EYA2: variants seen among roughly 807,000 people sequenced by gnomAD.
EYA2 encodes EYA transcriptional coactivator and phosphatase 2.
EYA2 carries 31 observed loss-of-function variants against 69.2 expected under a neutral mutation model. That is an observed-to-expected ratio of 0.45 (90% CI 0.34 to 0.60). EYA2 has a LOEUF of 0.60. Ranked by LOEUF, EYA2 falls within the 20% of genes least tolerant of loss-of-function variation. EYA2 has a pLI of 0.02. For synonymous variants in EYA2, 257 were observed against 279.4 expected (o/e 0.92, Z 0.80); for missense variants, 622 against 701.2 (o/e 0.89, Z 1.28).
At chr20:47,092,609 C>T (rs539299292) in intron 8 of EYA2, among the ~76,000 whole-genome samples, 75 of 152,142 alleles carry the variant, frequency 4.9e-4, no homozygotes, top group South Asian at 1.0e-3. Flanking sequence ...TGTAGGGGAA[C>T]GGCGGGGGTA....
chr20:46,952,381 T>C (rs569028039), intron 1 of EYA2, among the ~76,000 whole-genome samples: 38 of 152,170 alleles, frequency 2.5e-4, no homozygotes, highest in Non-Finnish European at 4.9e-4. Context: ...CTTGGCTCTT[T>C]AGATTTTACT....
intron 7 of EYA2, among the ~76,000 whole-genome samples, chr20:47,086,834 G>A (rs910186308): frequency 6.6e-6 from 1 of 151,416 alleles, no homozygotes; most frequent in East Asian, 1.9e-4. Context: ...GCACCCCTGC[G>A]AAATTGGTTT....
chr20:47,163,265 A>C (rs984242011), intron 10 of EYA2, among the ~76,000 whole-genome samples: 3 of 151,996 alleles, frequency 2.0e-5, no homozygotes, highest in Non-Finnish European at 4.4e-5. Flanking sequence ...TCCTGACCTC[A>C]AGCTATCTGC....
At chr20:46,904,126 C>T (rs1333779864) in intron 1 of EYA2, among the ~76,000 whole-genome samples, 3 of 152,180 alleles carry the variant, frequency 2.0e-5, no homozygotes, top group African/African-American at 7.2e-5. Context: ...CACGGACTGC[C>T]ATCTCCAGCA....
At chr20:47,164,884 A>G (rs2034149129) in intron 10 of EYA2, among the ~76,000 whole-genome samples, 1 of 152,188 alleles carries the variant, frequency 6.6e-6, no homozygotes, top group Non-Finnish European at 1.5e-5. Context: ...ACATGCAATG[A>G]GCTAAGTAGA....
chr20:46,960,638 C>G (rs1979418510), intron 1 of EYA2, among the ~76,000 whole-genome samples: 1 of 152,176 alleles, frequency 6.6e-6, no homozygotes, highest in Non-Finnish European at 1.5e-5. Context: ...AAATCCAATC[C>G]ACTGCCTATT....
At chr20:47,167,628 G>T (rs1600763843) in intron 10 of EYA2, among the ~76,000 whole-genome samples, 1 of 151,932 alleles carries the variant, frequency 6.6e-6, no homozygotes, top group South Asian at 2.1e-4. Flanking sequence ...GTGGCCACTT[G>T]TGTATGTTGA....
intron 1 of EYA2, among the ~76,000 whole-genome samples, chr20:46,976,016 C>CT (rs1232792178): frequency 2.0e-5 from 3 of 152,130 alleles, no homozygotes; most frequent in Non-Finnish European, 4.4e-5. Flanking sequence ...GTCCGCTTGG[C>CT]TGAAGGATGG....
At chr20:47,047,155 C>CG (rs1300432283) in intron 5 of EYA2, among the ~76,000 whole-genome samples, 2 of 152,018 alleles carry the variant, frequency 1.3e-5, no homozygotes, top group African/African-American at 4.8e-5. Context: ...TCCTGAAGGT[C>CG]GGGGGCTGTG....
In EYA2 at chr20:46,950,053, A is replaced by C. The variant is rs898486895; in HGVS notation, c.-10-39948A>C. The stretch of plus-strand genomic sequence containing the variant: ...TAGCCTGTGTTTTTCTCCACTGTGC[A>C]TGCAAAGTGCTCAACACAGTGCCTG... On this transcript the variant is annotated intron_variant, in intron 1 of 15. Transcript: ENST00000327619. Among the ~76,000 whole-genome samples the C allele has an allele frequency of 2.0e-5, 3 of 152,338 alleles. No homozygotes were observed. The South Asian group carries it at 6.2e-4, about 32-fold the overall frequency.
At chr20:47,051,539 T>C (rs1389792453) in intron 5 of EYA2, among the ~76,000 whole-genome samples, 1 of 152,214 alleles carries the variant, frequency 6.6e-6, no homozygotes, top group Non-Finnish European at 1.5e-5. Context: ...TGCAAGTTGC[T>C]TAACCTCAAG....
At chr20:47,144,406 CA>C (rs1417475363) in intron 10 of EYA2, among the ~76,000 whole-genome samples, 1 of 150,312 alleles carries the variant, frequency 6.7e-6, no homozygotes, top group Non-Finnish European at 1.5e-5. Context: ...AAACTGTATA[CA>C]AAAAAACAAT....
At chr20:46,949,448 C>T (rs1978668538) in intron 1 of EYA2, among the ~76,000 whole-genome samples, 1 of 152,170 alleles carries the variant, frequency 6.6e-6, no homozygotes, top group African/African-American at 2.4e-5. Flanking sequence ...CAAACTGGTT[C>T]AGCAAGTAAA....
chr20:47,130,261 C>CTTGTTTTTTTTTTTTTTTTTTT (rs2033305439), intron 9 of EYA2, among the ~76,000 whole-genome samples: 1 of 81,260 alleles, frequency 1.2e-5, no homozygotes, highest in Non-Finnish European at 2.2e-5. Flanking sequence ...GGTTTATTTT[C>CTTGTTTTTTTTTTTTTTTTTTT]TTTTTTTTTT....
intron 5 of EYA2, among the ~76,000 whole-genome samples, chr20:47,070,134 T>C (rs2031260845): frequency 6.6e-6 from 1 of 152,194 alleles, no homozygotes; most frequent in Non-Finnish European, 1.5e-5. Context: ...AAATCATGTA[T>C]CTGATCAAGG....
At chr20:47,016,353 G>A (rs1983412012) in intron 5 of EYA2, 56 bp downstream of exon 5, 1 of 1,351,928 alleles carries the variant, frequency 7.4e-7, no homozygotes, top group Non-Finnish European at 1.1e-6. Flanking sequence ...CCTAAGTTGG[G>A]TGTCCATTCA....
At chr20:46,994,297 T>C (rs1229838158) in intron 2 of EYA2, among the ~76,000 whole-genome samples, 4 of 152,232 alleles carry the variant, frequency 2.6e-5, no homozygotes, top group Non-Finnish European at 5.9e-5. Context: ...TTGAGAAATA[T>C]TACCTATTAT....
intron 1 of EYA2, among the ~76,000 whole-genome samples, chr20:46,969,378 C>T (rs1001961919): frequency 2.6e-5 from 4 of 152,124 alleles, no homozygotes; most frequent in African/African-American, 9.7e-5. Context: ...CCACCGTGCC[C>T]GGCCGATTGC....
chr20:47,059,122 G>A (rs1330690610), intron 5 of EYA2, among the ~76,000 whole-genome samples: 1 of 152,162 alleles, frequency 6.6e-6, no homozygotes, highest in Non-Finnish European at 1.5e-5. Flanking sequence ...TAAGGAAAAT[G>A]TGCATGAACC....
Sources: allele counts gnomAD v4.1 joint callset (sites outside exome capture counted in the v4.1 genomes callset), GRCh38; gene constraint gnomAD v4.1.1; transcripts MANE v1.5; gene names NCBI Gene and HGNC (gene_info 2026-07-23, HGNC 2026-07-21).